PCSK5: variants seen among roughly 807,000 people sequenced by gnomAD.
PCSK5 encodes proprotein convertase subtilisin/kexin type 5, also known as prohormone convertase 5.
Under a neutral mutation model 233.2 loss-of-function variants are expected in PCSK5, and 129 were observed. The ratio of observed to expected loss-of-function variants is 0.55; its 90% CI spans 0.48 to 0.64. The LOEUF is 0.64. Ranked by LOEUF, PCSK5 falls within the 30% of genes least tolerant of loss-of-function variation. The pLI is 0.00. For synonymous variants in PCSK5, 825 were observed against 879.2 expected (o/e 0.94, Z 1.09); for missense variants, 2,076 against 2,430.1 (o/e 0.85, Z 3.06).
In PCSK5 at chr9:75,932,478, C is replaced by A; in HGVS notation, c.292C>A (p.Pro98Thr). 1 of 1,596,908 alleles carries A rather than the reference C, an allele frequency of 6.3e-7. No individual in the cohort carries two copies. The highest frequency in any genetic ancestry group is 8.6e-7 in the Non-Finnish European group (1 of 1,164,344). Residue 98 changes from proline (P) to threonine (T), a missense_variant, in exon 2 of 38, where the codon CCA (proline) becomes ACA (threonine). Physicochemically the swap from Pro to Thr is conservative, Grantham distance 38. Transcript: ENST00000674117. ...RGTHSFISME[P>T]KVEWIQQQVV... ...GACCCACAGTTTCATTTCAATGGAA[C>A]CAAAGGTAAGAAGAACCAGTTGCGT...
At chr9:76,198,138 T>G (rs1824771751) in intron 20 of PCSK5, among the ~76,000 whole-genome samples, 1 of 152,190 alleles carries the variant, frequency 6.6e-6, no homozygotes, top group African/African-American at 2.4e-5. Context: ...CCAGCACTCC[T>G]TCCCGTTCTC....
At chr9:76,162,196 A>G (rs1822891367) in intron 12 of PCSK5, among the ~76,000 whole-genome samples, 1 of 152,078 alleles carries the variant, frequency 6.6e-6, no homozygotes, top group African/African-American at 2.4e-5. Flanking sequence ...ATGAATGGCC[A>G]CCTTCCAAGG....
intron 24 of PCSK5, among the ~76,000 whole-genome samples, chr9:76,259,192 T>G (rs982153977): frequency 6.6e-6 from 1 of 152,196 alleles, no homozygotes; most frequent in Non-Finnish European, 1.5e-5. Context: ...TTATTAACTT[T>G]AGTCTCCTGC....
At chr9:76,232,386 A>G (rs950363796) in intron 21 of PCSK5, among the ~76,000 whole-genome samples, 14 of 152,340 alleles carry the variant, frequency 9.2e-5, no homozygotes, top group Admixed American at 8.5e-4. Context: ...ATTCTAAGGG[A>G]GCTGTAAGAG....
chr9:76,027,786 T>C (rs1419397732), intron 5 of PCSK5, among the ~76,000 whole-genome samples: 5 of 151,714 alleles, frequency 3.3e-5, no homozygotes, highest in Admixed American at 2.6e-4. Context: ...ATCACAGTAA[T>C]TTTTTTCCCT....
intron 5 of PCSK5, among the ~76,000 whole-genome samples, chr9:76,038,824 T>C (rs185208009): frequency 1.8e-3 from 275 of 152,296 alleles, no homozygotes; most frequent in Non-Finnish European, 3.6e-3. Flanking sequence ...CCTGGGACAA[T>C]AGGAGCCCCA....
chr9:76,041,972 C>G (rs1222087236), intron 5 of PCSK5, among the ~76,000 whole-genome samples: 1 of 152,162 alleles, frequency 6.6e-6, no homozygotes, highest in East Asian at 1.9e-4. Context: ...ATACCTTATT[C>G]AATACTAGAG....
At chr9:76,034,135 C>T (rs571466617) in intron 5 of PCSK5, among the ~76,000 whole-genome samples, 2 of 152,164 alleles carry the variant, frequency 1.3e-5, no homozygotes, top group South Asian at 4.2e-4. Flanking sequence ...TAGGAAAAGC[C>T]TTCTTTCACC....
intron 3 of PCSK5, among the ~76,000 whole-genome samples, chr9:75,988,349 T>A (rs1223721701): frequency 1.3e-5 from 2 of 151,880 alleles, no homozygotes; most frequent in Non-Finnish European, 2.9e-5. Context: ...TGATGTGGTC[T>A]CAGCTCACTG....
At chr9:76,042,015 ATGT>A (rs2131533383) in intron 5 of PCSK5, among the ~76,000 whole-genome samples, 1 of 152,336 alleles carries the variant, frequency 6.6e-6, no homozygotes, top group African/African-American at 2.4e-5. Context: ...ATAAGTGGTC[ATGT>A]TGTTATTCTA....
intron 35 of PCSK5, among the ~76,000 whole-genome samples, chr9:76,345,721 C>G (rs902335368): frequency 1.7e-4 from 25 of 150,080 alleles, no homozygotes; most frequent in African/African-American, 6.1e-4. Context: ...CGCGCCTGGC[C>G]TGTTTGTTTG....
At chr9:75,892,398 C>G (rs1425858350) in intron 1 of PCSK5, among the ~76,000 whole-genome samples, 6 of 152,342 alleles carry the variant, frequency 3.9e-5, no homozygotes, top group Admixed American at 2.0e-4. Context: ...GAAAGTACCC[C>G]CCTCCACATA....
chr9:76,069,790 T>C (rs1487391608), intron 6 of PCSK5, among the ~76,000 whole-genome samples: 5 of 152,132 alleles, frequency 3.3e-5, no homozygotes, highest in Non-Finnish European at 7.4e-5. Flanking sequence ...TCAGACCTCA[T>C]TGTACCAATA....
chr9:75,894,798 A>G (rs1018234305), intron 1 of PCSK5, among the ~76,000 whole-genome samples: 8 of 152,150 alleles, frequency 5.3e-5, no homozygotes, highest in African/African-American at 1.9e-4. Flanking sequence ...GTCCTCCCTC[A>G]CTAATCATGT....
At chr9:76,340,325 T>C (rs1450975580) in intron 35 of PCSK5, among the ~76,000 whole-genome samples, 4 of 152,048 alleles carry the variant, frequency 2.6e-5, no homozygotes, top group Non-Finnish European at 5.9e-5. Context: ...TAATGTCTTT[T>C]TGCAAATTAA....
At chr9:76,162,257 C>T (rs909835405) in intron 12 of PCSK5, among the ~76,000 whole-genome samples, 16 of 152,150 alleles carry the variant, frequency 1.1e-4, no homozygotes, top group African/African-American at 3.1e-4. Context: ...TCCCTCCTAC[C>T]GAGGCAGCTA....
chr9:76,215,570 A>G (rs929477816), intron 20 of PCSK5, among the ~76,000 whole-genome samples: 3 of 152,138 alleles, frequency 2.0e-5, no homozygotes, highest in African/African-American at 7.2e-5. Context: ...TAATTCAGGA[A>G]GGTGTGGTGG....
rs781348109 is a variant in PCSK5 at position 76,155,046 on chromosome 9, GCTTA to G, written c.1313-1995_1313-1992del. 1.2e-4 allele frequency among the ~76,000 whole-genome samples: 18 copies of G among 152,168 alleles called. No homozygotes were observed. The South Asian group carries it at 1.5e-3, about 12-fold the overall frequency. ...GGATAAGATGTTTTAAAATGAATAT[GCTTA>G]CTTTTTAATTTAAAAAAATAATAAA... On this transcript the variant is annotated intron_variant, in intron 10 of 37. Coordinates refer to ENST00000674117, the MANE Select transcript of PCSK5 (RefSeq NM_001372043.1).
chr9:76,019,800 C>A (rs1828103332), intron 3 of PCSK5, among the ~76,000 whole-genome samples: 1 of 152,128 alleles, frequency 6.6e-6, no homozygotes, highest in Non-Finnish European at 1.5e-5. Context: ...TTTAAAATTT[C>A]ATTCCTAAAA....
Sources: gnomAD v4.1 joint callset for allele counts (sites outside exome capture counted in the v4.1 genomes callset) on GRCh38, gnomAD v4.1.1 for gene constraint, MANE v1.5 for transcripts, NCBI Gene and HGNC (gene_info 2026-07-23, HGNC 2026-07-21) for gene names.